The following SH3RF3 variants were observed in gnomAD, a reference collection of about 807,000 sequenced individuals.
SH3RF3 encodes the protein E3 ubiquitin-protein ligase SH3RF3.
Under a neutral mutation model 66.3 loss-of-function variants are expected in SH3RF3, and 29 were observed. That is an observed-to-expected ratio of 0.44 (90% CI 0.33 to 0.60). The LOEUF is 0.60. Ranked by LOEUF, SH3RF3 falls within the 20% of genes least tolerant of loss-of-function variation. SH3RF3 has a pLI of 0.04. For synonymous variants in SH3RF3, 583 were observed against 532.0 expected (o/e 1.10, Z -1.32); for missense variants, 1,194 against 1,190.9 (o/e 1.00, Z -0.04).
intron 6 of SH3RF3, among the ~76,000 whole-genome samples, chr2:109,435,917 C>T (rs1677384861): frequency 6.6e-6 from 1 of 152,172 alleles, no homozygotes; most frequent in Non-Finnish European, 1.5e-5. Flanking sequence ...AAGGAGGACA[C>T]CACCCAGGGT....
At chr2:109,455,010 A>C (rs1295414607) in intron 8 of SH3RF3, among the ~76,000 whole-genome samples, 2 of 152,180 alleles carry the variant, frequency 1.3e-5, no homozygotes, top group African/African-American at 4.8e-5. Flanking sequence ...AGAGCCTCTA[A>C]AGATGTTTTA....
At chr2:109,297,578 G>A (rs1002118600) in intron 1 of SH3RF3, among the ~76,000 whole-genome samples, 2 of 137,232 alleles carry the variant, frequency 1.5e-5, no homozygotes, top group African/African-American at 5.6e-5. Context: ...CTAGGCCAGT[G>A]TCCCCAACCC....
At chr2:109,383,540 G>A (rs933316110) in intron 3 of SH3RF3, among the ~76,000 whole-genome samples, 3 of 152,142 alleles carry the variant, frequency 2.0e-5, no homozygotes, top group African/African-American at 2.4e-5. Context: ...AATGGATAGG[G>A]TGCAGGCTTC....
intron 1 of SH3RF3, among the ~76,000 whole-genome samples, chr2:109,130,454 C>T (rs966977762): frequency 6.6e-6 from 1 of 152,170 alleles, no homozygotes; most frequent in African/African-American, 2.4e-5. Flanking sequence ...CCTCTGGGTC[C>T]CCAGACACTC....
intron 1 of SH3RF3, among the ~76,000 whole-genome samples, chr2:109,219,856 T>C (rs1010310882): frequency 6.6e-6 from 1 of 152,184 alleles, no homozygotes; most frequent in African/African-American, 2.4e-5. Context: ...CTACTCAAAG[T>C]GATCTACAGA....
intron 1 of SH3RF3, among the ~76,000 whole-genome samples, chr2:109,221,981 T>TAA (rs200758836): frequency 5.5e-5 from 8 of 145,478 alleles, no homozygotes; most frequent in African/African-American, 2.0e-4. Context: ...ATGAATGGAT[T>TAA]AAAAAAAAAA....
chr2:109,246,677 G>A (rs1024165286), intron 1 of SH3RF3, among the ~76,000 whole-genome samples: 3 of 152,198 alleles, frequency 2.0e-5, no homozygotes, highest in Admixed American at 2.0e-4. Flanking sequence ...AACGTGCCTG[G>A]TGGAATTGCC....
chr2:109,199,587 T>TCAACA (rs1558953897), intron 1 of SH3RF3, among the ~76,000 whole-genome samples: 2 of 978 alleles, frequency 2.0e-3, no homozygotes, highest in Admixed American at 0.013. Context: ...TGGAATGGAA[T>TCAACA]GGAATGGAAT....
At chr2:109,167,357 A>C (rs1285812605) in intron 1 of SH3RF3, among the ~76,000 whole-genome samples, 1 of 152,210 alleles carries the variant, frequency 6.6e-6, no homozygotes, top group African/African-American at 2.4e-5. Flanking sequence ...GAATTGAATT[A>C]TTAGCTCTCT....
chr2:109,163,610 G>A lies in SH3RF3; in HGVS notation c.573+33497G>A, dbSNP rs566673166. Among the ~76,000 whole-genome samples, 45 of 151,354 alleles carry A rather than the reference G, an allele frequency of 3.0e-4. No individual in the cohort carries two copies. In the South Asian group the frequency reaches 5.0e-3, roughly 17 times the overall value. ...GAGACGGGGTTTCACCGTTTTAGCC[G>A]GGATGGTCTCGATCTCCTGACCTCG... On this transcript the variant is annotated intron_variant, in intron 1 of 9. Transcript: ENST00000309415.
chr2:109,319,949 C>T (rs1488783323), intron 1 of SH3RF3, among the ~76,000 whole-genome samples: 1 of 152,212 alleles, frequency 6.6e-6, no homozygotes, highest in Non-Finnish European at 1.5e-5. Flanking sequence ...GAACGAGCTG[C>T]TGTGAGAAGT....
chr2:109,215,433 T>TA (rs34546601), intron 1 of SH3RF3, among the ~76,000 whole-genome samples: 45,145 of 152,028 alleles, frequency 0.3, 7,656 homozygotes, highest in South Asian at 0.39. Context: ...ATACTCAAGC[T>TA]AGCTGACCCC....
chr2:109,313,954 G>T (rs1429426271), intron 1 of SH3RF3, among the ~76,000 whole-genome samples: 1 of 152,136 alleles, frequency 6.6e-6, no homozygotes, highest in African/African-American at 2.4e-5. Context: ...TTGTTTTGTA[G>T]GGCACAAGAC....
intron 1 of SH3RF3, among the ~76,000 whole-genome samples, chr2:109,252,136 C>T (rs72822676): frequency 2.6e-3 from 394 of 152,040 alleles, no homozygotes; most frequent in Non-Finnish European, 4.9e-3. Context: ...CTCAGCTACT[C>T]AGGAGGCTGA....
rs550007749 is a variant in SH3RF3, at chr2:109,428,139, C to T, written c.1404-4362C>T. 4.7e-4 allele frequency among the ~76,000 whole-genome samples: 72 copies of T among 152,304 alleles called. No individual in the cohort carries two copies. The South Asian group carries it at 0.014, about 30-fold the overall frequency. The stretch of plus-strand genomic sequence containing the variant: ...AGAGGTGAGGAGGAAGCACACGCCT[C>T]CCTAATTCGAGCCAGCGTGGCCCTG... On this transcript the variant is annotated intron_variant, in intron 5 of 9. Transcript: ENST00000309415.
At position 109,293,887 on chromosome 2, in the gene SH3RF3, C is replaced by T. The variant is rs938214372; in HGVS notation, c.574-53787C>T. On this transcript the variant is annotated intron_variant, in intron 1 of 9. Coordinates refer to ENST00000309415, the MANE Select transcript of SH3RF3 (RefSeq NM_001099289.3). ...TCACATTTCCCTCCTGTGAAACAGC[C>T]TGAGGCTTGTTGCCGAGTAGCCCTG... 4.6e-5 allele frequency among the ~76,000 whole-genome samples: 7 copies of T among 152,324 alleles called. No individual in the cohort carries two copies. The East Asian group carries it at 9.7e-4, about 21-fold the overall frequency.
At chr2:109,399,113 A>T (rs1676236706) in intron 4 of SH3RF3, among the ~76,000 whole-genome samples, 170 bp downstream of exon 4, 1 of 151,976 alleles carries the variant, frequency 6.6e-6, no homozygotes, top group African/African-American at 2.4e-5. Context: ...CCCCCCTAGA[A>T]GCGTGGAGAA....
intron 8 of SH3RF3, among the ~76,000 whole-genome samples, chr2:109,485,729 G>A (rs746842551): frequency 8.5e-5 from 13 of 152,276 alleles, no homozygotes; most frequent in Non-Finnish European, 1.8e-4. Flanking sequence ...CTGTGAGTGT[G>A]TAAGCACACA....
chr2:109,436,832 C>A, intron 6 of SH3RF3, 61 bp from the exon 7 acceptor site: 1 of 1,565,414 alleles, frequency 6.4e-7, no homozygotes, highest in Non-Finnish European at 8.7e-7. Flanking sequence ...CTGCCAGAGG[C>A]CCACATGGCA....
Sources: gnomAD v4.1 joint callset for allele counts (sites outside exome capture counted in the v4.1 genomes callset) on GRCh38, gnomAD v4.1.1 for gene constraint, MANE v1.5 for transcripts, NCBI Gene and HGNC (gene_info 2026-07-23, HGNC 2026-07-21) for gene names.